APBA2: variants seen among roughly 807,000 people sequenced by gnomAD.
APBA2 encodes the protein amyloid-beta A4 precursor protein-binding family A member 2.
APBA2 carries 30 observed loss-of-function variants against 75.0 expected under a neutral mutation model. That is an observed-to-expected ratio of 0.40 (90% confidence interval 0.30 to 0.54). APBA2 has a LOEUF of 0.54. APBA2 is among the 20% of genes least tolerant of loss of function. The pLI, the probability that APBA2 is intolerant of heterozygous loss-of-function variation, is 0.49. For synonymous variants in APBA2, 444 were observed against 409.6 expected, an observed-to-expected ratio of 1.08 and a Z score of -1.01; for missense variants, 801 against 1,016.1, an observed-to-expected ratio of 0.79 and a Z score of 2.88.
chr15:28,954,130 A>G (rs77465964), intron 2 of APBA2, among the ~76,000 whole-genome samples: 4,639 of 152,076 alleles, frequency 0.031, 247 homozygotes, highest in African/African-American at 0.11. Flanking sequence ...CCCACATGGA[A>G]TCTGTTCCGT....
At chr15:29,098,313 A>G (rs28744581) in intron 8 of APBA2, among the ~76,000 whole-genome samples, 177 bp from the exon 9 acceptor site, 2,383 of 152,222 alleles carry the variant, frequency 0.016, 72 homozygotes, top group African/African-American at 0.055. Flanking sequence ...AGTGCTTCTT[A>G]TCTTTTATCT....
At chr15:29,089,607 G>A (rs1048371766) in intron 6 of APBA2, among the ~76,000 whole-genome samples, 12 of 152,112 alleles carry the variant, frequency 7.9e-5, no homozygotes, top group African/African-American at 2.9e-4. Context: ...TTCAAAGGTG[G>A]CAGGAGTGGA....
chr15:29,002,074 C>T (rs1021128903), intron 3 of APBA2, among the ~76,000 whole-genome samples: 2 of 152,124 alleles, frequency 1.3e-5, no homozygotes, highest in African/African-American at 2.4e-5. Context: ...GTGTACTGCC[C>T]GTCTTGGACA....
intron 13 of APBA2, among the ~76,000 whole-genome samples, chr15:29,112,846 A>G (rs866921423): frequency 6.6e-6 from 1 of 151,978 alleles, no homozygotes; most frequent in Admixed American, 6.6e-5. Flanking sequence ...GTCCCCACTA[A>G]GCACCACCGC....
intron 3 of APBA2, among the ~76,000 whole-genome samples, chr15:29,031,323 C>T (rs2040477233): frequency 1.3e-5 from 2 of 152,292 alleles, no homozygotes; most frequent in African/African-American, 2.4e-5. Context: ...AAATGTATTG[C>T]CTCACAGTTC....
chr15:28,924,174 C>CGAG (rs1555373524), intron 2 of APBA2, among the ~76,000 whole-genome samples: 2 of 152,180 alleles, frequency 1.3e-5, no homozygotes, highest in Non-Finnish European at 2.9e-5. Flanking sequence ...TTTCCCTCTC[C>CGAG]CCTCCTTGTT....
At chr15:28,933,269 G>T (rs1380451399) in intron 2 of APBA2, among the ~76,000 whole-genome samples, 1 of 152,168 alleles carries the variant, frequency 6.6e-6, no homozygotes, top group Non-Finnish European at 1.5e-5. Context: ...ATCAGGTCCT[G>T]ATGGTGAAGC....
At position 29,053,246 on chromosome 15, in the gene APBA2, C is replaced by A. The variant is rs1275510947; in HGVS notation, c.-40-599C>A. Among the ~76,000 whole-genome samples the A allele has an allele frequency of 2.6e-5, 4 of 152,158 alleles. No individual in the cohort carries two copies. The East Asian group carries it at 7.7e-4, about 29-fold the overall frequency. The stretch of plus-strand genomic sequence containing the variant: ...CTGCTGAGCCCTCCAGCCTGCCACG[C>A]TGGGGACTTGTGTAGAGCTTTTCTG... On this transcript the variant is annotated intron_variant, in intron 3 of 14. Transcript: ENST00000683413.
At chr15:29,108,599 G>C (rs1015773213) in intron 13 of APBA2, 1 of 726,864 alleles carries the variant, frequency 1.4e-6, no homozygotes, top group Non-Finnish European at 2.2e-6. Flanking sequence ...GGGCATGGCC[G>C]TGGATTGGGC....
chr15:29,091,264 C>T (rs890116632), intron 6 of APBA2, among the ~76,000 whole-genome samples: 26 of 152,238 alleles, frequency 1.7e-4, no homozygotes, highest in Middle Eastern at 3.4e-3. Flanking sequence ...CAGTTAGATG[C>T]ACAGGGGAGG....
chr15:28,977,444 GAATA>G (rs1386775250), intron 2 of APBA2: 2 of 152,170 alleles, frequency 1.3e-5, no homozygotes, highest in African/African-American at 2.4e-5. Flanking sequence ...CTAAGTGAAT[GAATA>G]GTCATCCCCC....
chr15:28,942,115 AT>A (rs1241647692), intron 2 of APBA2, among the ~76,000 whole-genome samples: 5 of 152,236 alleles, frequency 3.3e-5, no homozygotes, highest in Non-Finnish European at 7.3e-5. Flanking sequence ...AAGTAAAATT[AT>A]TTTAACAACA....
At chr15:29,022,606 A>ATT (rs2040010282) in intron 3 of APBA2, among the ~76,000 whole-genome samples, 7 of 151,896 alleles carry the variant, frequency 4.6e-5, no homozygotes, top group African/African-American at 1.7e-4. Context: ...ATGGTAAATC[A>ATT]TTATAGATGA....
intron 4 of APBA2, among the ~76,000 whole-genome samples, chr15:29,066,246 C>T (rs2042374934): frequency 6.6e-6 from 1 of 152,148 alleles, no homozygotes. Context: ...TCCTCAAAAC[C>T]CACTCCACAG....
At position 28,887,372 on chromosome 15, in the gene APBA2, A is replaced by C. The variant is rs147058316; in HGVS notation, c.-205+1094A>C. On this transcript the variant is annotated intron_variant, in intron 1 of 14. Coordinates refer to ENST00000683413, the MANE Select transcript of APBA2 (RefSeq NM_001353788.2). Reference sequence around the variant, plus strand: ...TTTGAGAAAGGACAGTGATTTTAGAAATAATGACCCGAGAGCTTTGCAGGT... The same window carrying C: ...TTTGAGAAAGGACAGTGATTTTAGACATAATGACCCGAGAGCTTTGCAGGT... 2.7e-3 allele frequency among the ~76,000 whole-genome samples: 411 copies of C among 152,274 alleles called. 3 individuals are homozygous for C. Among genetic ancestry groups the C allele is most frequent in the African/African-American group, 9.5e-3 (395 of 41,546 alleles).
intron 7 of APBA2, among the ~76,000 whole-genome samples, 183 bp from the exon 8 acceptor site, chr15:29,094,095 G>T (rs113877407): frequency 3.9e-5 from 6 of 152,248 alleles, no homozygotes; most frequent in Non-Finnish European, 7.3e-5. Flanking sequence ...AGGGACACCT[G>T]TGTGGGCTTC....
chr15:29,002,069 C>CT (rs1411126771), intron 3 of APBA2, among the ~76,000 whole-genome samples: 1 of 152,210 alleles, frequency 6.6e-6, no homozygotes, highest in African/African-American at 2.4e-5. Flanking sequence ...GCTGTGTGTA[C>CT]TGCCCGTCTT....
chr15:28,904,109 T>G (rs966317748), intron 1 of APBA2, among the ~76,000 whole-genome samples: 12 of 152,214 alleles, frequency 7.9e-5, no homozygotes, highest in Non-Finnish European at 1.3e-4. Flanking sequence ...ACATTATTTT[T>G]AGTTATCACA....
intron 4 of APBA2, among the ~76,000 whole-genome samples, chr15:29,072,073 T>C (rs1462149712): frequency 1.3e-5 from 2 of 152,190 alleles, no homozygotes; most frequent in Admixed American, 6.5e-5. Context: ...CCCTGACTTA[T>C]CTGGCCGCCT....
Sources: allele counts gnomAD v4.1 joint callset (sites outside exome capture counted in the v4.1 genomes callset), GRCh38; gene constraint gnomAD v4.1.1; transcripts MANE v1.5; gene names NCBI Gene and HGNC (gene_info 2026-07-23, HGNC 2026-07-21).